The following SPG11 variants were observed in gnomAD, a reference collection of about 807,000 sequenced individuals.
SPG11 encodes the protein spatacsin.
Under a neutral mutation model 274.0 loss-of-function variants are expected in SPG11, and 222 were observed. The ratio of observed to expected loss-of-function variants is 0.81; its 90% CI spans 0.73 to 0.91. The LOEUF (loss-of-function observed/expected upper bound fraction) is 0.91. SPG11 is among the 40% of genes least tolerant of loss of function. SPG11 has a pLI of 0.00. For synonymous variants in SPG11, 1,144 were observed against 1,039.7 expected (o/e 1.10, Z -1.93); for missense variants, 3,114 against 2,872.7 (o/e 1.08, Z -1.92).
chr15:44,628,353 C>G (rs1191364910), intron 10 of SPG11, among the ~76,000 whole-genome samples: 1 of 152,330 alleles, frequency 6.6e-6, no homozygotes, highest in African/African-American at 2.4e-5. Context: ...GTCCAAAGCA[C>G]CAGGCTTGAG....
chr15:44,649,105 C>CCTG, intron 6 of SPG11, 94 bp from the exon 7 acceptor site: 1 of 894,100 alleles, frequency 1.1e-6, no homozygotes, highest in South Asian at 1.5e-5. Flanking sequence ...TACTTCAGTA[C>CCTG]TATAATTACA....
At chr15:44,613,981 C>T (rs1488176566) in intron 16 of SPG11, among the ~76,000 whole-genome samples, 1 of 152,036 alleles carries the variant, frequency 6.6e-6, no homozygotes, top group Non-Finnish European at 1.5e-5. Context: ...GAGTTCGAGG[C>T]TGCAATGAAC....
intron 11 of SPG11, among the ~76,000 whole-genome samples, chr15:44,624,418 CCAGA>C (rs747960453): frequency 2.0e-5 from 3 of 151,584 alleles, no homozygotes; most frequent in Non-Finnish European, 4.4e-5. Flanking sequence ...ATGAAATAAG[CCAGA>C]CAAAGAAAGA....
At chr15:44,637,228 A>G (rs1383519658) in intron 7 of SPG11, among the ~76,000 whole-genome samples, 2 of 152,200 alleles carry the variant, frequency 1.3e-5, no homozygotes, top group Non-Finnish European at 2.9e-5. Flanking sequence ...AACGTCTCAT[A>G]GTGGTTAAGA....
chr15:44,622,444 TAA>T (rs1208442567), intron 12 of SPG11, 97 bp from the exon 13 acceptor site: 1 of 1,018,322 alleles, frequency 9.8e-7, no homozygotes, highest in Non-Finnish European at 1.4e-6. Context: ...TGCTGGGAAT[TAA>T]AGATTATTAA....
chr15:44,636,946 AAAAAAAAAAAAC>A (rs1595909069), intron 7 of SPG11, among the ~76,000 whole-genome samples: 24 of 129,846 alleles, frequency 1.8e-4, no homozygotes, highest in East Asian at 1.3e-3. Flanking sequence ...AAAAAAAAAA[AAAAAAAAAAAAC>A]AAAAAAAAAA....
intron 18 of SPG11, 78 bp downstream of exon 18, chr15:44,610,762 C>A: frequency 7.7e-7 from 1 of 1,299,032 alleles, no homozygotes; most frequent in South Asian, 1.2e-5. Flanking sequence ...TTAATATCAG[C>A]TGAGATCTAG....
intron 7 of SPG11, among the ~76,000 whole-genome samples, chr15:44,638,402 G>A (rs912115621): frequency 6.6e-6 from 1 of 152,008 alleles, no homozygotes; most frequent in Admixed American, 6.6e-5. Flanking sequence ...GGAGGCTACG[G>A]TGAGCCAAGA....
chr15:44,629,309 G>C lies in SPG11; in HGVS notation c.1815C>G (p.His605Gln), dbSNP rs773906485. ...RESYSEPQSK[H>Q]FSEQLLNLTL... is the part of the protein sequence containing the mutation. ...TAAGATTAAGCAATTGTTCTGAAAAGTGTTTGCTTTGGGGTTCAGAATAAC... is the reference window on the plus strand; with the variant it reads ...TAAGATTAAGCAATTGTTCTGAAAACTGTTTGCTTTGGGGTTCAGAATAAC... Residue 605 changes from histidine to glutamine, a missense_variant, in exon 9 of 40, where the codon CAC (histidine) becomes CAG (glutamine). Transcript: ENST00000261866. 2 of 1,614,044 alleles carry C rather than the reference G, an allele frequency of 1.2e-6. No homozygotes were observed. The highest frequency in any genetic ancestry group is 1.7e-6 in the Non-Finnish European group (2 of 1,179,894).
At chr15:44,591,856 T>C (rs1253128499) in intron 27 of SPG11, among the ~76,000 whole-genome samples, 2 of 152,080 alleles carry the variant, frequency 1.3e-5, no homozygotes, top group Non-Finnish European at 2.9e-5. Context: ...ACGCCTGTAA[T>C]CCCAGCACTT....
intron 28 of SPG11, chr15:44,588,593 T>C: frequency 2.5e-6 from 1 of 401,738 alleles, no homozygotes; most frequent in East Asian, 8.1e-5. Flanking sequence ...GCCGTTTGCA[T>C]AGCTTCAGTG....
At chr15:44,657,892 C>T (rs1470656445) in intron 3 of SPG11, among the ~76,000 whole-genome samples, 2 of 152,158 alleles carry the variant, frequency 1.3e-5, no homozygotes, top group African/African-American at 4.8e-5. Flanking sequence ...CTGGGCGTGG[C>T]GGCCCATGCC....
intron 11 of SPG11, among the ~76,000 whole-genome samples, chr15:44,625,504 C>G (rs1031390375): frequency 6.6e-6 from 1 of 152,140 alleles, no homozygotes; most frequent in African/African-American, 2.4e-5. Context: ...CCCCACTGCT[C>G]TCTCTTCCTC....
chr15:44,568,272 T>A (rs1055644013), intron 35 of SPG11, among the ~76,000 whole-genome samples: 1 of 152,234 alleles, frequency 6.6e-6, no homozygotes, highest in African/African-American at 2.4e-5. Flanking sequence ...ATTAAAATAT[T>A]TAAATGCAGA....
intron 7 of SPG11, among the ~76,000 whole-genome samples, chr15:44,634,657 G>C (rs761401977): frequency 1.3e-5 from 2 of 151,864 alleles, no homozygotes; most frequent in Admixed American, 6.6e-5. Context: ...TTTCATCTTG[G>C]CTCACTGCAA....
intron 30 of SPG11, among the ~76,000 whole-genome samples, chr15:44,583,436 C>A (rs148818533): frequency 6.6e-6 from 1 of 151,226 alleles, no homozygotes; most frequent in Non-Finnish European, 1.5e-5. Flanking sequence ...CCAGCCTGGG[C>A]GACAAGAATG....
rs1468851810 is a variant in SPG11, at chr15:44,610,899, C to T, written c.3232G>A (p.Glu1078Lys). Residue 1078 changes from glutamate to lysine, a missense_variant, in exon 18 of 40, where the codon GAA becomes AAA. Coordinates refer to ENST00000261866, the MANE Select transcript of SPG11 (RefSeq NM_025137.4). ...GCAAGGGCCAGGAGGGTATGTCCTT[C>T]CAATAGCATACTGCTTACACTGGCC... ...NQASVSSMLL[E>K]GHTLLALATT... The T allele has an allele frequency of 6.2e-7, 1 of 1,613,858 alleles. No individual in the cohort carries two copies. Among genetic ancestry groups the T allele is most frequent in the Non-Finnish European group, 8.5e-7 (1 of 1,179,924 alleles).
At chr15:44,612,234 G>A (rs2083478824) in intron 17 of SPG11, among the ~76,000 whole-genome samples, 1 of 152,122 alleles carries the variant, frequency 6.6e-6, no homozygotes, top group Non-Finnish European at 1.5e-5. Flanking sequence ...TCTGTCACAA[G>A]GTAGGAGCTC....
chr15:44,636,827 G>A (rs1194221477), intron 7 of SPG11, among the ~76,000 whole-genome samples: 2 of 149,522 alleles, frequency 1.3e-5, no homozygotes, highest in Non-Finnish European at 3.0e-5. Flanking sequence ...TTGGGAGGCT[G>A]AGAGAGGAGA....
Sources: gnomAD v4.1 joint callset for allele counts (sites outside exome capture counted in the v4.1 genomes callset) on GRCh38, gnomAD v4.1.1 for gene constraint, MANE v1.5 for transcripts, NCBI Gene and HGNC (gene_info 2026-07-23, HGNC 2026-07-21) for gene names.